CHRM3: variants seen among roughly 807,000 people sequenced by gnomAD.
The protein encoded by CHRM3 is muscarinic acetylcholine receptor M3.
In CHRM3, 11 loss-of-function variants were observed where a neutral mutation model predicts 41.8. That is an observed-to-expected ratio of 0.26 (90% CI 0.17 to 0.44). The LOEUF (loss-of-function observed/expected upper bound fraction) is 0.44, where lower values mean the gene tolerates loss of function less well. Ranked by LOEUF, CHRM3 falls within the 20% of genes least tolerant of loss-of-function variation. The pLI is 1.00. For missense variants in CHRM3, 571 were observed against 745.4 expected (o/e 0.77, Z 2.72); for synonymous variants, 297 against 301.4 (o/e 0.99, Z 0.15).
At chr1:239,563,281 A>G (rs1156437855) in intron 3 of CHRM3, among the ~76,000 whole-genome samples, 1 of 152,104 alleles carries the variant, frequency 6.6e-6, no homozygotes, top group Non-Finnish European at 1.5e-5. Context: ...TCTAAGAATA[A>G]GGAGATCATC....
chr1:239,743,974 GTTT>G (rs748303241), intron 5 of CHRM3, among the ~76,000 whole-genome samples: 1 of 128,040 alleles, frequency 7.8e-6, no homozygotes. Flanking sequence ...TTTTTTTTAA[GTTT>G]TTTTTTTTTT....
chr1:239,841,545 A>G (rs536688585), intron 6 of CHRM3, among the ~76,000 whole-genome samples: 6 of 152,210 alleles, frequency 3.9e-5, no homozygotes, highest in Non-Finnish European at 8.8e-5. Flanking sequence ...TTTTTCTGCC[A>G]TGAAAAGAAG....
At chr1:239,583,503 G>A (rs956468941) in intron 3 of CHRM3, among the ~76,000 whole-genome samples, 5 of 152,072 alleles carry the variant, frequency 3.3e-5, no homozygotes, top group African/African-American at 4.8e-5. Context: ...ACGGGACGTC[G>A]ACACAGAGAG....
intron 5 of CHRM3, among the ~76,000 whole-genome samples, chr1:239,814,567 G>T (rs1671413071): frequency 6.6e-6 from 1 of 152,074 alleles, no homozygotes; most frequent in Non-Finnish European, 1.5e-5. Context: ...CATTCAAGAT[G>T]CCAATGAGAT....
At chr1:239,740,396 G>A (rs1250083887) in intron 5 of CHRM3, among the ~76,000 whole-genome samples, 1 of 150,442 alleles carries the variant, frequency 6.6e-6, no homozygotes, top group African/African-American at 2.4e-5. Flanking sequence ...CTGAAATTTT[G>A]ACAAGATGTT....
chr1:239,646,084 A>G (rs748748448), intron 4 of CHRM3, among the ~76,000 whole-genome samples: 87 of 152,360 alleles, frequency 5.7e-4, no homozygotes, highest in Non-Finnish European at 1.1e-3. Flanking sequence ...AAGAACTTAC[A>G]ATTTGATCAA....
intron 3 of CHRM3, among the ~76,000 whole-genome samples, chr1:239,553,705 G>C (rs1021833713): frequency 6.6e-6 from 1 of 152,034 alleles, no homozygotes; most frequent in African/African-American, 2.4e-5. Context: ...TCTCTTTTCA[G>C]TTTAATTAGT....
At chr1:239,898,604 C>T (rs1679212032) in intron 6 of CHRM3, among the ~76,000 whole-genome samples, 2 of 152,202 alleles carry the variant, frequency 1.3e-5, no homozygotes, top group Non-Finnish European at 2.9e-5. Context: ...TTATTATAGA[C>T]GTAGAATTAA....
intron 3 of CHRM3, among the ~76,000 whole-genome samples, chr1:239,579,541 A>G (rs1662674947): frequency 6.6e-6 from 1 of 152,170 alleles, no homozygotes. Flanking sequence ...ACCTGAGGTC[A>G]GGATACTGGA....
At chr1:239,764,903 G>A (rs962792794) in intron 5 of CHRM3, among the ~76,000 whole-genome samples, 1 of 152,222 alleles carries the variant, frequency 6.6e-6, no homozygotes, top group Non-Finnish European at 1.5e-5. Flanking sequence ...GTGTGATCCT[G>A]TGAAGGAATT....
chr1:239,602,734 G>A (rs959941007), intron 3 of CHRM3, among the ~76,000 whole-genome samples: 1 of 151,910 alleles, frequency 6.6e-6, no homozygotes, highest in African/African-American at 2.4e-5. Flanking sequence ...TATAAACTTT[G>A]CTTTTTCAAA....
At position 239,618,411 on chromosome 1, in the gene CHRM3, G is replaced by C. The variant is rs545237895; in HGVS notation, c.-312-13813G>C. On this transcript the variant is annotated intron_variant, in intron 3 of 6. Transcript: ENST00000676153. ...GTGGCCCTGTCTAGTCCGGAGAGAA[G>C]CTCAGGCCTCATCTGCTAGGAGGTT... Among the ~76,000 whole-genome samples, 116 of 150,728 alleles carry C rather than the reference G, an allele frequency of 7.7e-4. 1 individual carries two copies. The highest frequency in any genetic ancestry group is 2.7e-3 in the African/African-American group (110 of 40,952).
chr1:239,654,422 G>A (rs558676489), intron 4 of CHRM3, among the ~76,000 whole-genome samples: 2 of 152,116 alleles, frequency 1.3e-5, no homozygotes, highest in Admixed American at 6.5e-5. Context: ...CTTTTGAGAC[G>A]GAGTCTCACT....
At chr1:239,826,693 A>G (rs1221181767) in intron 5 of CHRM3, among the ~76,000 whole-genome samples, 1 of 152,212 alleles carries the variant, frequency 6.6e-6, no homozygotes, top group Non-Finnish European at 1.5e-5. Flanking sequence ...AGAAGCAAAC[A>G]CGATCCTGAA....
chr1:239,675,079 G>A (rs895994281), intron 4 of CHRM3, among the ~76,000 whole-genome samples: 6 of 152,032 alleles, frequency 3.9e-5, no homozygotes, highest in Non-Finnish European at 7.3e-5. Context: ...ATGTTAATAG[G>A]GGTCAATTAT....
chr1:239,733,726 G>A (rs12118652), intron 5 of CHRM3, among the ~76,000 whole-genome samples: 61,333 of 151,778 alleles, frequency 0.4, 12,705 homozygotes, highest in Middle Eastern at 0.5. Context: ...AGTAAGCTCA[G>A]CTGTTGCTTA....
chr1:239,771,547 T>G (rs1409524466), intron 5 of CHRM3, among the ~76,000 whole-genome samples: 2 of 152,256 alleles, frequency 1.3e-5, no homozygotes, highest in African/African-American at 4.8e-5. Flanking sequence ...ACAAAATAAC[T>G]GTGTGACCTA....
intron 3 of CHRM3, among the ~76,000 whole-genome samples, chr1:239,592,290 A>G (rs900316568): frequency 1.3e-5 from 2 of 152,186 alleles, no homozygotes; most frequent in Non-Finnish European, 2.9e-5. Flanking sequence ...TCCCTCTAAC[A>G]TATATCTAGT....
intron 5 of CHRM3, among the ~76,000 whole-genome samples, chr1:239,750,450 A>G (rs1263461311): frequency 6.6e-6 from 1 of 152,206 alleles, no homozygotes; most frequent in Admixed American, 6.5e-5. Flanking sequence ...TCATTCAAGC[A>G]ACTCTCCGAA....
Sources: allele counts gnomAD v4.1 joint callset (sites outside exome capture counted in the v4.1 genomes callset), GRCh38; gene constraint gnomAD v4.1.1; transcripts MANE v1.5; gene names NCBI Gene and HGNC (gene_info 2026-07-23, HGNC 2026-07-21).